The following THEM4 variants were observed in gnomAD, a reference collection of about 807,000 sequenced individuals.
THEM4 encodes acyl-coenzyme A thioesterase THEM4.
Under a neutral mutation model 25.0 loss-of-function variants are expected in THEM4, and 22 were observed. That is an observed-to-expected ratio of 0.88 (90% CI 0.63 to 1.26). The LOEUF is 1.26. Among genes scored for constraint, THEM4 ranks in the 50% most tolerant of loss-of-function variants. THEM4 has a pLI of 0.00. For missense variants in THEM4, 286 were observed against 300.3 expected, an observed-to-expected ratio of 0.95 and a Z score of 0.35; for synonymous variants, 113 against 105.6, an observed-to-expected ratio of 1.07 and a Z score of -0.43.
At chr1:151,897,158 C>T (rs144931092) in intron 1 of THEM4, among the ~76,000 whole-genome samples, 1 of 152,332 alleles carries the variant, frequency 6.6e-6, no homozygotes, top group East Asian at 1.9e-4. Context: ...TGGACTGCTG[C>T]AGTTATCTTG....
At chr1:151,906,637 CTAAAGGACTGTAAA>C (rs1654474849) in intron 1 of THEM4, among the ~76,000 whole-genome samples, 1 of 152,220 alleles carries the variant, frequency 6.6e-6, no homozygotes, top group Non-Finnish European at 1.5e-5. Flanking sequence ...TTATGTCTAG[CTAAAGGACTGTAAA>C]TACACCAATC....
At chr1:151,883,414 C>A (rs1653889632) in intron 4 of THEM4, among the ~76,000 whole-genome samples, 2 of 151,992 alleles carry the variant, frequency 1.3e-5, no homozygotes, top group South Asian at 4.2e-4. Context: ...GGTGCCCAGC[C>A]TGCCAAACAC....
At chr1:151,879,828 T>C (rs1216970284) in intron 4 of THEM4, among the ~76,000 whole-genome samples, 3 of 151,764 alleles carry the variant, frequency 2.0e-5, no homozygotes, top group Admixed American at 2.0e-4. Flanking sequence ...AGCTAAGTTT[T>C]TGTATTTTTA....
chr1:151,897,588 G>A (rs1157285818), intron 1 of THEM4, among the ~76,000 whole-genome samples: 4 of 152,140 alleles, frequency 2.6e-5, no homozygotes, highest in Non-Finnish European at 5.9e-5. Context: ...TGTTGGATTG[G>A]GCAGAGTGAT....
At chr1:151,883,110 A>ATTTATTTAT (rs1653883557) in intron 4 of THEM4, among the ~76,000 whole-genome samples, 2 of 149,460 alleles carry the variant, frequency 1.3e-5, no homozygotes, top group Non-Finnish European at 3.0e-5. Context: ...TTATTTATTT[A>ATTTATTTAT]TTTATTTATT....
rs1223952447 is a variant in THEM4 at position 151,876,982 on chromosome 1, G to T, written c.682+19C>A. 4.4e-6 allele frequency: 7 copies of T among 1,594,288 alleles called. No individual in the cohort carries two copies. The highest frequency in any genetic ancestry group is 5.1e-6 in the Non-Finnish European group (6 of 1,173,574). Reference sequence around the variant, plus strand: ...CAACCCAACTAAACCCCAAGAAAGAGATAAGACCAGCTTCTTACTTGTCGC... The same window carrying T: ...CAACCCAACTAAACCCCAAGAAAGATATAAGACCAGCTTCTTACTTGTCGC... On this transcript the variant is annotated intron_variant, in intron 5 of 5. Coordinates refer to ENST00000368814, the MANE Select transcript of THEM4 (RefSeq NM_053055.5).
chr1:151,876,380 T>C (rs1653670173), intron 5 of THEM4, among the ~76,000 whole-genome samples: 1 of 152,142 alleles, frequency 6.6e-6, no homozygotes. Context: ...TAACACATTA[T>C]AATTTTGCAG....
At chr1:151,901,802 C>T (rs1257142566) in intron 1 of THEM4, among the ~76,000 whole-genome samples, 1 of 152,068 alleles carries the variant, frequency 6.6e-6, no homozygotes, top group Non-Finnish European at 1.5e-5. Flanking sequence ...GAGATTGTGC[C>T]ACTGCACTCC....
intron 2 of THEM4, among the ~76,000 whole-genome samples, chr1:151,891,659 T>C (rs1654095229): frequency 6.6e-6 from 1 of 152,210 alleles, no homozygotes; most frequent in Non-Finnish European, 1.5e-5. Flanking sequence ...GATGTTTAAA[T>C]GTATGCATTT....
rs991192307 is a variant in THEM4 at position 151,887,545 on chromosome 1, A to G, written c.557+728T>C. On this transcript the variant is annotated intron_variant, in intron 4 of 5. Transcript: ENST00000368814. The stretch of plus-strand genomic sequence containing the variant: ...TCTTATACACTGAAAACTACAAAAC[A>G]TTGATGAAAAAAATTAAAGACACAA... Among the ~76,000 whole-genome samples the G allele has an allele frequency of 7.9e-5, 12 of 152,156 alleles. No homozygotes were observed. In the South Asian group the frequency reaches 1.4e-3, roughly 18 times the overall value.
At chr1:151,905,363 C>T (rs1558195288) in intron 1 of THEM4, among the ~76,000 whole-genome samples, 1 of 152,116 alleles carries the variant, frequency 6.6e-6, no homozygotes, top group African/African-American at 2.4e-5. Context: ...ACTGATCTTT[C>T]CTGATTGTGT....
chr1:151,878,931 G>A (rs1653749024), intron 4 of THEM4, among the ~76,000 whole-genome samples: 1 of 41,448 alleles, frequency 2.4e-5, no homozygotes. Context: ...CACACACACT[G>A]GAAAGGCATA....
At chr1:151,905,991 C>T (rs983736683) in intron 1 of THEM4, among the ~76,000 whole-genome samples, 5 of 152,364 alleles carry the variant, frequency 3.3e-5, no homozygotes, top group East Asian at 3.9e-4. Context: ...TCACAGCCCT[C>T]GCTCCCTCTC....
chr1:151,889,069 A>C, intron 3 of THEM4, 145 bp downstream of exon 3: 1 of 482,126 alleles, frequency 2.1e-6, no homozygotes. Context: ...TCCTTTAATA[A>C]TGTATTATAA....
chr1:151,882,372 CAAAAA>C (rs35928322), intron 4 of THEM4, among the ~76,000 whole-genome samples: 61 of 104,992 alleles, frequency 5.8e-4, no homozygotes, highest in African/African-American at 2.2e-3. Flanking sequence ...GACTCCATCT[CAAAAA>C]AAAAAAAAAA....
At chr1:151,878,911 C>CACACACACACACACACACACACACAT in intron 4 of THEM4, among the ~76,000 whole-genome samples, 1 of 151,318 alleles carries the variant, frequency 6.6e-6, no homozygotes, top group East Asian at 1.9e-4. Context: ...CACACACACA[C>CACACACACACACACACACACACACAT]ACACACACAC....
intron 1 of THEM4, among the ~76,000 whole-genome samples, chr1:151,896,712 A>G (rs1364449721): frequency 1.3e-5 from 2 of 152,190 alleles, no homozygotes; most frequent in Admixed American, 6.5e-5. Context: ...TTTCCATAAT[A>G]TAAAAGATAG....
intron 4 of THEM4, among the ~76,000 whole-genome samples, chr1:151,879,263 A>T (rs1158901394): frequency 6.6e-6 from 1 of 152,172 alleles, no homozygotes; most frequent in African/African-American, 2.4e-5. Context: ...TGGGTCTCTC[A>T]ATCACTTCAT....
intron 1 of THEM4, among the ~76,000 whole-genome samples, chr1:151,905,562 C>CAGTA (rs933659432): frequency 6.6e-6 from 1 of 152,148 alleles, no homozygotes; most frequent in African/African-American, 2.4e-5. Flanking sequence ...ATCCCAAAGG[C>CAGTA]AGTAACAGGC....
Sources: gnomAD v4.1 joint callset for allele counts (sites outside exome capture counted in the v4.1 genomes callset) on GRCh38, gnomAD v4.1.1 for gene constraint, MANE v1.5 for transcripts, NCBI Gene and HGNC (gene_info 2026-07-23, HGNC 2026-07-21) for gene names.